Variants in SLC25A17 observed in about 807,000 individuals in gnomAD.
The protein encoded by SLC25A17 is peroxisomal membrane protein PMP34.
A neutral mutation model predicts 38.5 loss-of-function variants in SLC25A17; 26 were observed. The ratio of observed to expected loss-of-function variants is 0.68; its 90% CI spans 0.50 to 0.94. The LOEUF (loss-of-function observed/expected upper bound fraction) is 0.94. Ranked by LOEUF, SLC25A17 falls within the 40% of genes least tolerant of loss-of-function variation. The probability of loss-of-function intolerance (pLI) is 0.00; values close to 1 mark genes in which losing one functional copy is unlikely to be tolerated. For missense variants in SLC25A17, 333 were observed against 372.7 expected, an observed-to-expected ratio of 0.89 and a Z score of 0.88; for synonymous variants, 139 against 136.2, an observed-to-expected ratio of 1.02 and a Z score of -0.14.
chr22:40,776,210 TA>T, intron 7 of SLC25A17: 1 of 406,524 alleles, frequency 2.5e-6, no homozygotes. Context: ...TCTCTTCCAC[TA>T]GCTCCATAAG....
intron 4 of SLC25A17, among the ~76,000 whole-genome samples, chr22:40,782,525 T>A (rs2064468): frequency 0.99 from 151,351 of 152,362 alleles, 75,178 homozygotes; most frequent in East Asian, 1. Context: ...TTGAAAACAA[T>A]TAGTTTTATC....
chr22:40,770,079 A>G lies in SLC25A17; in HGVS notation c.*755T>C, dbSNP rs2145636213. 6.6e-6 allele frequency: 1 copy of G among 152,334 alleles called. No individual in the cohort carries two copies. Among genetic ancestry groups the G allele is most frequent in the East Asian group, 1.9e-4 (1 of 5,192 alleles). 9.4% of individuals were successfully genotyped at this position (152,334 alleles called of 1,614,324 possible). On this transcript the variant is annotated 3_prime_UTR_variant, in exon 9 of 9. Transcript: ENST00000435456. The stretch of plus-strand genomic sequence containing the variant: ...TTAATAAAGAGCAATTTTCAAGAAT[A>G]TCTTTTTTGTGCTGACCATTTATTG...
At chr22:40,800,582 G>C (rs1371570194) in intron 1 of SLC25A17, among the ~76,000 whole-genome samples, 1 of 151,962 alleles carries the variant, frequency 6.6e-6, no homozygotes, top group Admixed American at 6.6e-5. Flanking sequence ...TTTTTGTAAA[G>C]ACAGAGTCTC....
At position 40,810,788 on chromosome 22, in the gene SLC25A17, ATTC is replaced by A. The variant is rs1166994692; in HGVS notation, c.54+8404_54+8406del. Among the ~76,000 whole-genome samples, 4 of 152,288 alleles carry A rather than the reference ATTC, an allele frequency of 2.6e-5. No individual in the cohort carries two copies. The East Asian group carries it at 5.8e-4, about 22-fold the overall frequency. Reference sequence around the variant, plus strand: ...AATCTTCCTTCAGAGAGGCAATTAAATTCTTCTAGTTGTTTGTTTTGGAATTTA... The same window carrying A: ...AATCTTCCTTCAGAGAGGCAATTAAATTCTAGTTGTTTGTTTTGGAATTTA... On this transcript the variant is annotated intron_variant, in intron 1 of 8. Coordinates refer to ENST00000435456, the MANE Select transcript of SLC25A17 (RefSeq NM_006358.4).
intron 4 of SLC25A17, chr22:40,784,602 C>A: frequency 4.2e-6 from 1 of 236,188 alleles, no homozygotes; most frequent in Non-Finnish European, 9.1e-6. Flanking sequence ...GAAAGACCCC[C>A]ATCTGTACAA....
chr22:40,811,845 G>C (rs765023738), intron 1 of SLC25A17, among the ~76,000 whole-genome samples: 13 of 152,008 alleles, frequency 8.6e-5, no homozygotes, highest in Non-Finnish European at 1.8e-4. Context: ...TCCAACACTG[G>C]GGGTCACATT....
chr22:40,813,771 C>A (rs1007394306), intron 1 of SLC25A17: 1 of 152,408 alleles, frequency 6.6e-6, no homozygotes, highest in African/African-American at 2.4e-5. Flanking sequence ...TCATACCAGG[C>A]ACACAGGTGG....
chr22:40,781,626 G>A (rs1305714585), intron 4 of SLC25A17, among the ~76,000 whole-genome samples: 1 of 152,164 alleles, frequency 6.6e-6, no homozygotes, highest in Admixed American at 6.5e-5. Context: ...GTCCTTGTAA[G>A]AACATTTGGT....
At chr22:40,806,768 C>T (rs575211014) in intron 1 of SLC25A17, among the ~76,000 whole-genome samples, 3 of 152,164 alleles carry the variant, frequency 2.0e-5, no homozygotes, top group African/African-American at 4.8e-5. Context: ...AGCCACTAAT[C>T]GGCTTTCTGT....
At chr22:40,774,107 G>A (rs755698249) in intron 7 of SLC25A17, 88 bp from the exon 8 acceptor site, 1 of 744,264 alleles carries the variant, frequency 1.3e-6, no homozygotes, top group Non-Finnish European at 2.4e-6. Flanking sequence ...TGTTGGAGTA[G>A]TATCTTATAG....
intron 4 of SLC25A17, among the ~76,000 whole-genome samples, chr22:40,790,059 G>A (rs1344023945): frequency 2.0e-5 from 3 of 151,770 alleles, no homozygotes; most frequent in Non-Finnish European, 4.4e-5. Flanking sequence ...AACACTTTAG[G>A]CTGGGCGCGG....
At chr22:40,785,415 T>C (rs147000403) in intron 4 of SLC25A17, among the ~76,000 whole-genome samples, 17 of 152,260 alleles carry the variant, frequency 1.1e-4, no homozygotes, top group Non-Finnish European at 2.2e-4. Flanking sequence ...CTGTTAAACA[T>C]AATTTGTCTA....
At chr22:40,799,114 T>A (rs777624794) in intron 1 of SLC25A17, 31 bp from the exon 2 acceptor site, 3 of 1,578,228 alleles carry the variant, frequency 1.9e-6, no homozygotes, top group East Asian at 4.5e-5. Flanking sequence ...CATTACAGCA[T>A]CACAAACATA....
chr22:40,780,978 TG>T (rs768196005), intron 4 of SLC25A17, among the ~76,000 whole-genome samples: 31 of 151,960 alleles, frequency 2.0e-4, no homozygotes, highest in Non-Finnish European at 4.1e-4. Flanking sequence ...AATAGCAGCC[TG>T]GGCAAAAGAG....
In SLC25A17 at chr22:40,770,792, C is replaced by T. The variant is rs926748090; in HGVS notation, c.*42G>A. ...CACTTCTCTTCACTCAGGAGGAAAC[C>T]TCCCTCTTGAGCATCTTCGGAATTT... On this transcript the variant is annotated 3_prime_UTR_variant, in exon 9 of 9. Transcript: ENST00000435456. 3.8e-6 allele frequency: 6 copies of T among 1,568,134 alleles called. No individual in the cohort carries two copies. The African/African-American group carries it at 6.8e-5, about 18-fold the overall frequency.
rs776207643 is a variant in SLC25A17 at position 40,777,348 on chromosome 22, A to G, written c.477T>C (p.Asp159=). Reference sequence around the variant, plus strand: ...CATTCCATAAAGCCGAGATTCCTTCATCGCGAATGATCTGATGAAAAGCAT... The same window carrying G: ...CATTCCATAAAGCCGAGATTCCTTCGTCGCGAATGATCTGATGAAAAGCAT... ...IIDAFHQIIR[D]EGISALWNGT... Residue 159 remains aspartate, a synonymous_variant, in exon 6 of 9, where the codon GAT becomes GAC. Transcript: ENST00000435456. The G allele has an allele frequency of 4.3e-6, 7 of 1,613,534 alleles. No homozygotes were observed. Among genetic ancestry groups the G allele is most frequent in the Non-Finnish European group, 5.9e-6 (7 of 1,179,854 alleles).
intron 2 of SLC25A17, 42 bp downstream of exon 2, chr22:40,798,981 G>T: frequency 7.8e-7 from 1 of 1,280,506 alleles, no homozygotes; most frequent in Non-Finnish European, 1.1e-6. Flanking sequence ...GAAAATGTTT[G>T]CTTCCTGACA....
chr22:40,812,119 T>C (rs1213749876), intron 1 of SLC25A17, among the ~76,000 whole-genome samples: 2 of 152,000 alleles, frequency 1.3e-5, no homozygotes, highest in Non-Finnish European at 2.9e-5. Context: ...GGTCTCAAAC[T>C]CCTGGCCTCA....
Position 40,814,138 on chromosome 22 carries a change from A to G in SLC25A17, c.54+5057T>C, listed in dbSNP as rs529775739. The stretch of plus-strand genomic sequence containing the variant: ...ACAGGGACCAGATGTTTTTCCAGAT[A>G]AAGACACAACCAAGCATGCTCTTCC... On this transcript the variant is annotated intron_variant, in intron 1 of 8. Coordinates refer to ENST00000435456, the MANE Select transcript of SLC25A17 (RefSeq NM_006358.4). Among the ~76,000 whole-genome samples, 11 of 152,326 alleles carry G rather than the reference A, an allele frequency of 7.2e-5. No individual in the cohort carries two copies. In the South Asian group the frequency reaches 1.7e-3, roughly 23 times the overall value.
Sources: allele counts gnomAD v4.1 joint callset (sites outside exome capture counted in the v4.1 genomes callset), GRCh38; gene constraint gnomAD v4.1.1; transcripts MANE v1.5; gene names NCBI Gene and HGNC (gene_info 2026-07-23, HGNC 2026-07-21).